The following LPP variants were observed in gnomAD, a reference collection of about 807,000 sequenced individuals.
LPP encodes lipoma-preferred partner.
LPP carries 38 observed loss-of-function variants against 60.4 expected under a neutral mutation model. The ratio of observed to expected loss-of-function variants is 0.63; its 90% confidence interval spans 0.49 to 0.83. The LOEUF (loss-of-function observed/expected upper bound fraction) is 0.83. Among genes scored for constraint, LPP ranks in the 40% least tolerant of loss-of-function variants. The pLI is 0.00. For synonymous variants in LPP, 328 were observed against 290.8 expected (o/e 1.13, Z -1.30); for missense variants, 902 against 783.6 (o/e 1.15, Z -1.80).
At chr3:188,322,099 A>G (rs1757127446) in intron 2 of LPP, among the ~76,000 whole-genome samples, 1 of 152,228 alleles carries the variant, frequency 6.6e-6, no homozygotes, top group Non-Finnish European at 1.5e-5. Context: ...ATCTTTGCTC[A>G]GATATTATGT....
chr3:188,298,781 C>T lies in LPP; in HGVS notation c.-66-42882C>T, dbSNP rs140488145. Among the ~76,000 whole-genome samples, 94 of 152,294 alleles carry T rather than the reference C, an allele frequency of 6.2e-4. 1 individual carries two copies. The highest frequency in any genetic ancestry group is 2.1e-3 in the African/African-American group (88 of 41,572). ...ATCCTATAAAGGAACAAAAGCTCAG[C>T]GTCCTGACCATCTGTTTCTTTCTAC... is the stretch of plus-strand genomic sequence containing the variant. On this transcript the variant is annotated intron_variant, in intron 2 of 11. Coordinates refer to ENST00000617246, the MANE Select transcript of LPP (RefSeq NM_001375462.1).
At chr3:188,461,361 G>A (rs1798911016) in intron 4 of LPP, among the ~76,000 whole-genome samples, 1 of 152,038 alleles carries the variant, frequency 6.6e-6, no homozygotes, top group African/African-American at 2.4e-5. Context: ...AATAACTTCT[G>A]ACAAAAGAAA....
At chr3:188,257,881 G>A (rs1577629312) in intron 2 of LPP, among the ~76,000 whole-genome samples, 2 of 152,238 alleles carry the variant, frequency 1.3e-5, no homozygotes, top group East Asian at 1.9e-4. Flanking sequence ...GGATTCAAAT[G>A]TTGGTTTGCC....
At chr3:188,320,090 C>T (rs1756487637) in intron 2 of LPP, among the ~76,000 whole-genome samples, 1 of 152,200 alleles carries the variant, frequency 6.6e-6, no homozygotes. Context: ...GTACGCTTCT[C>T]ATTGCTTCAT....
At chr3:188,202,421 A>C (rs1247614108) in intron 1 of LPP, among the ~76,000 whole-genome samples, 3 of 152,104 alleles carry the variant, frequency 2.0e-5, no homozygotes, top group African/African-American at 7.2e-5. Context: ...CACCGAAGAG[A>C]GATGTGAAAA....
chr3:188,766,375 A>T (rs990620373), intron 9 of LPP, among the ~76,000 whole-genome samples: 1 of 138,964 alleles, frequency 7.2e-6, no homozygotes, highest in African/African-American at 2.6e-5. Flanking sequence ...AGGCCTTAAA[A>T]AGCAAAAAAA....
At chr3:188,561,035 G>A (rs1363066756) in intron 6 of LPP, among the ~76,000 whole-genome samples, 2 of 152,050 alleles carry the variant, frequency 1.3e-5, no homozygotes, top group Non-Finnish European at 2.9e-5. Flanking sequence ...TGGCCTGAAT[G>A]TAAATGTGAT....
rs545879635 is a variant in LPP, at chr3:188,340,851, C to T, written c.-66-812C>T. ...AAGAGATATTCTCTTGCCTAATGTG[C>T]TTATAATGTTATCTTTTGATCATAT... On this transcript the variant is annotated intron_variant, in intron 2 of 11. Coordinates refer to ENST00000617246, the MANE Select transcript of LPP (RefSeq NM_001375462.1). Among the ~76,000 whole-genome samples the T allele has an allele frequency of 3.9e-5, 6 of 152,198 alleles. No homozygotes were observed. In the East Asian group the frequency reaches 1.2e-3, roughly 29 times the overall value.
At chr3:188,437,354 A>G (rs1178177932) in intron 4 of LPP, among the ~76,000 whole-genome samples, 1 of 152,216 alleles carries the variant, frequency 6.6e-6, no homozygotes, top group Non-Finnish European at 1.5e-5. Context: ...ATAATTTGAT[A>G]TGCACTTGAT....
chr3:188,212,510 C>A (rs1711624378), intron 1 of LPP: 1 of 152,202 alleles, frequency 6.6e-6, no homozygotes, highest in Non-Finnish European at 1.5e-5. Flanking sequence ...ATTTTTCTGA[C>A]ATCCTCCAGC....
chr3:188,412,232 T>A (rs779264395), intron 4 of LPP, among the ~76,000 whole-genome samples: 13 of 152,144 alleles, frequency 8.5e-5, no homozygotes, highest in Non-Finnish European at 1.8e-4. Context: ...TCTCTCTCTC[T>A]AAATATAATA....
At chr3:188,516,341 A>G (rs1046306360) in intron 5 of LPP, among the ~76,000 whole-genome samples, 1 of 152,122 alleles carries the variant, frequency 6.6e-6, no homozygotes, top group Non-Finnish European at 1.5e-5. Context: ...AATTCTCACT[A>G]CTGAATACGG....
intron 2 of LPP, among the ~76,000 whole-genome samples, chr3:188,319,413 ATTTC>A (rs1341169838): frequency 6.6e-6 from 1 of 152,002 alleles, no homozygotes; most frequent in East Asian, 1.9e-4. Flanking sequence ...TCATTCATTT[ATTTC>A]ATTTTATTTA....
intron 2 of LPP, among the ~76,000 whole-genome samples, chr3:188,268,732 T>C (rs753915201): frequency 1.3e-5 from 2 of 152,248 alleles, no homozygotes; most frequent in Non-Finnish European, 2.9e-5. Context: ...GATTTGAAGC[T>C]TAGGCTTACT....
chr3:188,781,906 A>G (rs549369561), intron 9 of LPP, among the ~76,000 whole-genome samples: 108 of 143,378 alleles, frequency 7.5e-4, no homozygotes, highest in Non-Finnish European at 1.5e-3. Context: ...AAAAAAAAAA[A>G]AAATCTATCA....
chr3:188,487,633 T>C lies in LPP; in HGVS notation c.306+2929T>C, dbSNP rs143879962. On this transcript the variant is annotated intron_variant, in intron 5 of 11. Transcript: ENST00000617246. ...TGATACATTCAAAAGAAAACGAACA[T>C]GCCCTCCCCTTGTGCAGAAGTGACT... 2.4e-3 allele frequency among the ~76,000 whole-genome samples: 358 copies of C among 152,288 alleles called. 2 individuals carry two copies. Among genetic ancestry groups the C allele is most frequent in the African/African-American group, 7.6e-3 (317 of 41,562 alleles).
chr3:188,684,559 G>A (rs1483799705), intron 7 of LPP, among the ~76,000 whole-genome samples: 1 of 152,076 alleles, frequency 6.6e-6, no homozygotes, highest in African/African-American at 2.4e-5. Flanking sequence ...GGCTGTCCAG[G>A]TCTTATGTCA....
intron 2 of LPP, among the ~76,000 whole-genome samples, chr3:188,288,230 G>T (rs565266590): frequency 4.7e-4 from 71 of 152,184 alleles, no homozygotes; most frequent in Non-Finnish European, 6.3e-4. Flanking sequence ...CCGAAAGCAG[G>T]CTGTGATGGG....
chr3:188,856,948 G>C (rs959179933), intron 9 of LPP, among the ~76,000 whole-genome samples: 4 of 152,110 alleles, frequency 2.6e-5, no homozygotes, highest in Non-Finnish European at 2.9e-5. Flanking sequence ...ATTTTTCATT[G>C]GCTATGTAAG....
Sources: gnomAD v4.1 joint callset for allele counts (sites outside exome capture counted in the v4.1 genomes callset) on GRCh38, gnomAD v4.1.1 for gene constraint, MANE v1.5 for transcripts, NCBI Gene and HGNC (gene_info 2026-07-23, HGNC 2026-07-21) for gene names.